Variants in KIF26B observed in about 807,000 individuals in gnomAD.
KIF26B encodes kinesin family member 26B.
Under a neutral mutation model 151.2 loss-of-function variants are expected in KIF26B, and 63 were observed. The observed-to-expected ratio is 0.42, with a 90% CI of 0.34 to 0.51. The LOEUF is 0.51. Among genes scored for constraint, KIF26B ranks in the 20% least tolerant of loss-of-function variants. The probability of loss-of-function intolerance (pLI) is 0.07; values close to 1 mark genes in which losing one functional copy is unlikely to be tolerated. For missense variants in KIF26B, 2,813 were observed against 2,913.6 expected (o/e 0.97, Z 0.79); for synonymous variants, 1,357 against 1,262.1 (o/e 1.08, Z -1.59).
At chr1:245,616,611 T>G (rs183364193) in intron 9 of KIF26B, among the ~76,000 whole-genome samples, 10 of 152,350 alleles carry the variant, frequency 6.6e-5, no homozygotes, top group Non-Finnish European at 1.5e-4. Flanking sequence ...CTTTATACAA[T>G]ATCTTCAATA....
At chr1:245,303,855 G>A (rs548435830) in intron 2 of KIF26B, among the ~76,000 whole-genome samples, 5 of 152,336 alleles carry the variant, frequency 3.3e-5, no homozygotes, top group African/African-American at 1.2e-4. Flanking sequence ...GCCACAAAGT[G>A]ACATCGTCTT....
intron 10 of KIF26B, among the ~76,000 whole-genome samples, chr1:245,678,674 C>A (rs61831274): frequency 4.6e-5 from 7 of 151,768 alleles, no homozygotes; most frequent in East Asian, 1.9e-4. Flanking sequence ...CCATCGTGGC[C>A]AACATGGTGA....
intron 5 of KIF26B, among the ~76,000 whole-genome samples, chr1:245,595,669 G>A (rs1185554212): frequency 6.6e-6 from 1 of 152,160 alleles, no homozygotes; most frequent in African/African-American, 2.4e-5. Flanking sequence ...GATGATTCTG[G>A]CCTCATAAAA....
intron 2 of KIF26B, among the ~76,000 whole-genome samples, chr1:245,361,474 A>G (rs1386136722): frequency 6.6e-6 from 1 of 152,222 alleles, no homozygotes; most frequent in Non-Finnish European, 1.5e-5. Flanking sequence ...TCACGTGCTC[A>G]GCGCGGTGTT....
intron 2 of KIF26B, among the ~76,000 whole-genome samples, chr1:245,280,179 G>T (rs1043164782): frequency 6.6e-6 from 1 of 151,956 alleles, no homozygotes. Flanking sequence ...ACAGCAGTTA[G>T]TGTGGCATCT....
At chr1:245,584,842 A>G (rs909477819) in intron 5 of KIF26B, among the ~76,000 whole-genome samples, 3 of 152,250 alleles carry the variant, frequency 2.0e-5, no homozygotes, top group East Asian at 1.9e-4. Flanking sequence ...ATTTTATTTC[A>G]GTTTAGAACT....
At chr1:245,212,269 G>A (rs1273006700) in intron 2 of KIF26B, among the ~76,000 whole-genome samples, 1 of 152,126 alleles carries the variant, frequency 6.6e-6, no homozygotes, top group Non-Finnish European at 1.5e-5. Context: ...TGGGTAATTG[G>A]GGGCCTCAAG....
intron 2 of KIF26B, among the ~76,000 whole-genome samples, chr1:245,316,847 A>AATC (rs368393596): frequency 5.9e-5 from 9 of 151,394 alleles, no homozygotes; most frequent in Non-Finnish European, 1.3e-4. Flanking sequence ...GGACCCTCAC[A>AATC]ATCACCTTCA....
intron 2 of KIF26B, among the ~76,000 whole-genome samples, chr1:245,214,842 AAAAT>A (rs1312243692): frequency 6.6e-6 from 1 of 152,220 alleles, no homozygotes; most frequent in African/African-American, 2.4e-5. Flanking sequence ...CTCCGTCTGA[AAAAT>A]AAATAAGTAA....
intron 2 of KIF26B, among the ~76,000 whole-genome samples, chr1:245,176,463 G>A (rs935891519): frequency 6.6e-6 from 1 of 152,192 alleles, no homozygotes; most frequent in African/African-American, 2.4e-5. Context: ...ATGGGATTTA[G>A]TTCCTTCTTT....
Position 245,707,069 on chromosome 1 carries a change from T to C in KIF26B, c.*4463T>C, listed in dbSNP as rs1040818895. 6.6e-6 allele frequency: 1 copy of C among 152,188 alleles called. No homozygotes were observed. Among genetic ancestry groups the C allele is most frequent in the Non-Finnish European group, 1.5e-5 (1 of 68,022 alleles). 9.4% of individuals were successfully genotyped at this position (152,188 alleles called of 1,614,324 possible). A position where few individuals can be genotyped will look rare whatever the true frequency, so the allele number is the denominator to read the frequency against. On this transcript the variant is annotated 3_prime_UTR_variant, in exon 15 of 15. Transcript: ENST00000407071. ...CATTATTTCCATCATAATGCAAGCG[T>C]AATTCTAATCCGGGAGAAGATACTG...
rs2044805641 is a variant in KIF26B at position 245,703,788 on chromosome 1, C to T, written c.*1182C>T. On this transcript the variant is annotated 3_prime_UTR_variant, in exon 15 of 15. Transcript: ENST00000407071. ...TAGAAGAAGGATTCTTGAGACTGTACATCTTGTCTGTTGTCCAGAGTACAA... is the reference window on the plus strand; with the variant it reads ...TAGAAGAAGGATTCTTGAGACTGTATATCTTGTCTGTTGTCCAGAGTACAA... The T allele has an allele frequency of 6.6e-6, 1 of 152,192 alleles. No homozygotes were observed. Among genetic ancestry groups the T allele is most frequent in the Admixed American group, 6.5e-5 (1 of 15,286 alleles). 9.4% of individuals were successfully genotyped at this position (152,192 alleles called of 1,614,324 possible). A position where few individuals can be genotyped will look rare whatever the true frequency, so the allele number is the denominator to read the frequency against.
chr1:245,297,493 C>G (rs1196401427), intron 2 of KIF26B, among the ~76,000 whole-genome samples: 1 of 152,192 alleles, frequency 6.6e-6, no homozygotes, highest in Non-Finnish European at 1.5e-5. Context: ...GTCTATTATT[C>G]TTTCTACTGC....
At chr1:245,668,993 G>A (rs2044250814) in intron 10 of KIF26B, among the ~76,000 whole-genome samples, 1 of 152,152 alleles carries the variant, frequency 6.6e-6, no homozygotes, top group Non-Finnish European at 1.5e-5. Context: ...TGCCTGGCCA[G>A]GATCATGTTT....
chr1:245,603,682 AGTTTCC>A (rs2043421085), intron 6 of KIF26B, among the ~76,000 whole-genome samples: 1 of 152,176 alleles, frequency 6.6e-6, no homozygotes, highest in South Asian at 2.1e-4. Flanking sequence ...TTCTCAAGGC[AGTTTCC>A]AGGACCCATG....
intron 2 of KIF26B, among the ~76,000 whole-genome samples, chr1:245,263,079 A>G (rs1447987565): frequency 6.6e-6 from 1 of 152,214 alleles, no homozygotes; most frequent in African/African-American, 2.4e-5. Context: ...GAGTGTCATG[A>G]CAAGCGAACT....
At chr1:245,499,632 C>T (rs1660580857) in intron 4 of KIF26B, among the ~76,000 whole-genome samples, 1 of 152,200 alleles carries the variant, frequency 6.6e-6, no homozygotes, top group African/African-American at 2.4e-5. Flanking sequence ...TAGACCTCCA[C>T]TTTAAAGTAA....
chr1:245,479,848 G>A (rs1195129225), intron 4 of KIF26B, among the ~76,000 whole-genome samples: 1 of 151,774 alleles, frequency 6.6e-6, no homozygotes, highest in African/African-American at 2.4e-5. Flanking sequence ...GAGTAGAAAG[G>A]ATACTCAAAT....
intron 10 of KIF26B, among the ~76,000 whole-genome samples, chr1:245,668,549 G>A (rs2044243787): frequency 6.6e-6 from 1 of 152,144 alleles, no homozygotes; most frequent in African/African-American, 2.4e-5. Context: ...TATTGGTAAT[G>A]GAAAGCATTC....
Sources: gnomAD v4.1 joint callset for allele counts (sites outside exome capture counted in the v4.1 genomes callset) on GRCh38, gnomAD v4.1.1 for gene constraint, MANE v1.5 for transcripts, NCBI Gene and HGNC (gene_info 2026-07-23, HGNC 2026-07-21) for gene names.